Variants in FGD6 observed in about 807,000 individuals in gnomAD.
The protein encoded by FGD6 is FYVE, RhoGEF and PH domain containing 6.
FGD6 carries 90 observed loss-of-function variants against 149.4 expected under a neutral mutation model. The observed-to-expected ratio is 0.60, with a 90% CI of 0.51 to 0.72. The LOEUF (loss-of-function observed/expected upper bound fraction) is 0.72, where lower values mean the gene tolerates loss of function less well. FGD6 is among the 30% of genes least tolerant of loss of function. The pLI is 0.00. For missense variants in FGD6, 1,437 were observed against 1,684.8 expected, an observed-to-expected ratio of 0.85 and a Z score of 2.57; for synonymous variants, 527 against 584.0, an observed-to-expected ratio of 0.90 and a Z score of 1.41.
chr12:95,126,076 A>G (rs1484017017), intron 8 of FGD6: 2 of 1,171,030 alleles, frequency 1.7e-6, no homozygotes, highest in African/African-American at 3.0e-5. Flanking sequence ...AAGATGACAG[A>G]TTCTGATCAT....
chr12:95,101,806 C>G (rs1316737742), intron 14 of FGD6, among the ~76,000 whole-genome samples: 1 of 151,260 alleles, frequency 6.6e-6, no homozygotes, highest in Admixed American at 6.6e-5. Context: ...CCTCAGTCTC[C>G]CGAGTAGCTG....
chr12:95,208,663 G>A (rs2056705258), intron 2 of FGD6, among the ~76,000 whole-genome samples, 180 bp downstream of exon 2: 1 of 152,186 alleles, frequency 6.6e-6, no homozygotes. Flanking sequence ...CTTCAAGCTT[G>A]TATTGCAAAT....
At chr12:95,099,918 C>T (rs1028604373) in intron 14 of FGD6, among the ~76,000 whole-genome samples, 1 of 152,002 alleles carries the variant, frequency 6.6e-6, no homozygotes, top group Non-Finnish European at 1.5e-5. Context: ...CTAGGCTCTA[C>T]CTATATTGGA....
At chr12:95,164,999 G>A (rs1202161149) in intron 3 of FGD6, among the ~76,000 whole-genome samples, 1 of 151,988 alleles carries the variant, frequency 6.6e-6, no homozygotes, top group Admixed American at 6.6e-5. Flanking sequence ...GAAAGATGAA[G>A]ACGATGAATA....
At chr12:95,105,217 T>G in intron 13 of FGD6, 131 bp from the exon 14 acceptor site, 1 of 727,604 alleles carries the variant, frequency 1.4e-6, no homozygotes, top group Non-Finnish European at 2.3e-6. Flanking sequence ...CTACTGCTGT[T>G]CTCCTTCATC....
At chr12:95,107,128 T>C (rs1878654789) in intron 12 of FGD6, 91 bp from the exon 13 acceptor site, 1 of 901,396 alleles carries the variant, frequency 1.1e-6, no homozygotes, top group South Asian at 1.5e-5. Flanking sequence ...GGATAAATAA[T>C]ACCTCTTTGC....
intron 2 of FGD6, among the ~76,000 whole-genome samples, chr12:95,187,420 TGAGGTGGGCAGATC>T (rs1881472263): frequency 9.8e-5 from 2 of 20,448 alleles, no homozygotes; most frequent in African/African-American, 3.3e-4. Context: ...GGGCAGATCA[TGAGGTGGGCAGATC>T]ATGAGGTCAG....
chr12:95,102,313 G>A (rs952051091), intron 14 of FGD6, among the ~76,000 whole-genome samples: 6 of 151,824 alleles, frequency 4.0e-5, no homozygotes, highest in South Asian at 4.1e-4. Context: ...GCATGGTGGC[G>A]CATGCCTGTA....
intron 1 of FGD6, among the ~76,000 whole-genome samples, chr12:95,212,124 C>G (rs1336815985): frequency 6.6e-6 from 1 of 152,162 alleles, no homozygotes; most frequent in Non-Finnish European, 1.5e-5. Flanking sequence ...CCTGGTATTT[C>G]TTTCTCCAAG....
In FGD6 at chr12:95,188,039, T is replaced by C. The variant is rs145206961; in HGVS notation, c.2442-15295A>G. Among the ~76,000 whole-genome samples, 216 of 152,316 alleles carry C rather than the reference T, an allele frequency of 1.4e-3. 3 individuals carry two copies. The highest frequency in any genetic ancestry group is 3.3e-3 in the East Asian group (17 of 5,186). ...TTTGTCCCTCTTTGCTTAATAATGATCACATTGATGCGACAAAGGCCAAGG... is the reference window on the plus strand; with the variant it reads ...TTTGTCCCTCTTTGCTTAATAATGACCACATTGATGCGACAAAGGCCAAGG... On this transcript the variant is annotated intron_variant, in intron 2 of 20. Transcript: ENST00000343958.
intron 8 of FGD6, among the ~76,000 whole-genome samples, chr12:95,119,743 C>A (rs940136418): frequency 6.6e-6 from 1 of 152,086 alleles, no homozygotes; most frequent in Non-Finnish European, 1.5e-5. Flanking sequence ...CCCGCCTTGC[C>A]AACATGGCAA....
intron 8 of FGD6, among the ~76,000 whole-genome samples, chr12:95,118,258 G>T (rs1001746353): frequency 1.3e-5 from 2 of 151,728 alleles, no homozygotes; most frequent in African/African-American, 2.4e-5. Context: ...GACTGAGGCA[G>T]GAGAATTGCT....
At chr12:95,114,508 T>G (rs1878947028) in intron 8 of FGD6, among the ~76,000 whole-genome samples, 1 of 148,774 alleles carries the variant, frequency 6.7e-6, no homozygotes. Context: ...GACGTGCTGC[T>G]AAATATCTTA....
chr12:95,081,863 G>T (rs1364405483), intron 20 of FGD6, among the ~76,000 whole-genome samples: 1 of 151,894 alleles, frequency 6.6e-6, no homozygotes, highest in Non-Finnish European at 1.5e-5. Flanking sequence ...GTAGAGACGG[G>T]GTTTTTCCAT....
chr12:95,120,143 T>C (rs372691377), intron 8 of FGD6, among the ~76,000 whole-genome samples: 1 of 148,860 alleles, frequency 6.7e-6, no homozygotes, highest in African/African-American at 2.5e-5. Flanking sequence ...ACAGAAGAAC[T>C]GCTTGAACCC....
At chr12:95,158,131 T>G (rs1288410795) in intron 3 of FGD6, among the ~76,000 whole-genome samples, 2 of 147,952 alleles carry the variant, frequency 1.4e-5, no homozygotes, top group African/African-American at 5.0e-5. Context: ...ATTACAGGCA[T>G]GAGCCACCGT....
intron 2 of FGD6, among the ~76,000 whole-genome samples, chr12:95,199,726 T>C (rs990022066): frequency 2.0e-5 from 3 of 150,166 alleles, no homozygotes; most frequent in African/African-American, 7.4e-5. Flanking sequence ...TGCCTCAGCC[T>C]CCTGAGTAGC....
At chr12:95,189,883 TTAATAG>T (rs1488676942) in intron 2 of FGD6, among the ~76,000 whole-genome samples, 4 of 152,322 alleles carry the variant, frequency 2.6e-5, no homozygotes, top group African/African-American at 9.6e-5. Flanking sequence ...ATGGATTTCC[TTAATAG>T]TAATAGAAAA....
rs569790313 is a variant in FGD6 at position 95,091,647 on chromosome 12, T to C, written c.3850+60A>G. The C allele has an allele frequency of 1.9e-3, 2,239 of 1,158,854 alleles. 43 individuals are homozygous for C. In the South Asian group the frequency reaches 0.028, roughly 14 times the overall value. 71.8% of individuals were successfully genotyped at this position (1,158,854 alleles called of 1,614,324 possible). On this transcript the variant is annotated intron_variant, in intron 17 of 20. Transcript: ENST00000343958. The stretch of plus-strand genomic sequence containing the variant: ...TACCGAAGGTGTTTCTCTCAGAAGG[T>C]TGTTTGAAAGCATCTGGGGAATAAA...
Sources: allele counts gnomAD v4.1 joint callset (sites outside exome capture counted in the v4.1 genomes callset), GRCh38; gene constraint gnomAD v4.1.1; transcripts MANE v1.5; gene names NCBI Gene and HGNC (gene_info 2026-07-23, HGNC 2026-07-21).